BRAF: variants seen among roughly 807,000 people sequenced by gnomAD.
The protein encoded by BRAF is B-Raf proto-oncogene, serine/threonine kinase.
BRAF carries 16 observed loss-of-function variants against 104.6 expected under a neutral mutation model. The ratio of observed to expected loss-of-function variants is 0.15; its 90% CI spans 0.10 to 0.23. BRAF has a LOEUF of 0.23. Ranked by LOEUF, BRAF falls within the 10% of genes least tolerant of loss-of-function variation. The probability of loss-of-function intolerance (pLI) is 1.00; values close to 1 mark genes in which losing one functional copy is unlikely to be tolerated. For missense variants in BRAF, 541 were observed against 937.3 expected, an observed-to-expected ratio of 0.58 and a Z score of 5.52; for synonymous variants, 310 against 341.6, an observed-to-expected ratio of 0.91 and a Z score of 1.02.
chr7:140,791,928 G>A (rs1162557885), intron 8 of BRAF, among the ~76,000 whole-genome samples: 1 of 152,152 alleles, frequency 6.6e-6, no homozygotes, highest in East Asian at 1.9e-4. Context: ...TATCAGCAGT[G>A]TAATCTGGGT....
chr7:140,798,599 C>T (rs1321152614), intron 7 of BRAF, among the ~76,000 whole-genome samples: 1 of 144,012 alleles, frequency 6.9e-6, no homozygotes, highest in African/African-American at 2.6e-5. Flanking sequence ...TGCTTCCAGA[C>T]GCAGCCTAAA....
In BRAF at chr7:140,889,412, C is replaced by T. The variant is rs1302970423; in HGVS notation, c.138+35154G>A. ...TTAGCTTTAAAAAAATTCATGCTAA[C>T]AAGTTCATATTTTTTAAAATATTAC... On this transcript the variant is annotated intron_variant, in intron 1 of 19. Transcript: ENST00000644969. Among the ~76,000 whole-genome samples the T allele has an allele frequency of 2.6e-5, 4 of 152,164 alleles. No homozygotes were observed. The South Asian group carries it at 8.3e-4, about 32-fold the overall frequency.
chr7:140,882,935 A>G (rs1327330659), intron 1 of BRAF, among the ~76,000 whole-genome samples: 1 of 151,964 alleles, frequency 6.6e-6, no homozygotes, highest in Non-Finnish European at 1.5e-5. Flanking sequence ...CGGAGGCTGC[A>G]GTGAGCCAAG....
chr7:140,728,449 G>A (rs1244494357), intron 19 of BRAF, among the ~76,000 whole-genome samples: 1 of 151,624 alleles, frequency 6.6e-6, no homozygotes, highest in Non-Finnish European at 1.5e-5. Flanking sequence ...CTTTTAACAA[G>A]CAATTAACTA....
intron 1 of BRAF, among the ~76,000 whole-genome samples, chr7:140,910,201 T>C (rs535912832): frequency 6.6e-6 from 1 of 152,356 alleles, no homozygotes; most frequent in South Asian, 2.1e-4. Context: ...TACAATTTGC[T>C]CAACTATAAT....
intron 9 of BRAF, among the ~76,000 whole-genome samples, chr7:140,786,718 TGAAG>T (rs1430763207): frequency 6.6e-6 from 1 of 152,202 alleles, no homozygotes; most frequent in Non-Finnish European, 1.5e-5. Context: ...TCCAGAAAGT[TGAAG>T]GAAGTGGTTG....
chr7:140,787,404 C>A (rs2129031308), intron 9 of BRAF, 144 bp downstream of exon 9: 4 of 633,768 alleles, frequency 6.3e-6, no homozygotes, highest in South Asian at 1.9e-5. Flanking sequence ...ATGACAAACA[C>A]TACAGAAAAA....
intron 1 of BRAF, among the ~76,000 whole-genome samples, chr7:140,876,298 C>T (rs1812261410): frequency 6.6e-6 from 1 of 152,120 alleles, no homozygotes; most frequent in Non-Finnish European, 1.5e-5. Flanking sequence ...CTGGAGTGAT[C>T]ACTAAAACTA....
At position 140,889,749 on chromosome 7, in the gene BRAF, C is replaced by CAA. The variant is rs372867853; in HGVS notation, c.138+34815_138+34816dup. ...AATAATCCAAATTCAACCCATCAGT[C>CAA]AAAAGTCAGTGAGGATGCCAAAAGG... On this transcript the variant is annotated intron_variant, in intron 1 of 19. Transcript: ENST00000644969. 4.7e-4 allele frequency among the ~76,000 whole-genome samples: 71 copies of CAA among 152,248 alleles called. 1 individual carries two copies. Among genetic ancestry groups the CAA allele is most frequent in the African/African-American group, 1.3e-3 (53 of 41,542 alleles).
intron 8 of BRAF, 104 bp downstream of exon 8, chr7:140,794,204 T>A (rs1195631832): frequency 5.8e-6 from 8 of 1,376,594 alleles, no homozygotes; most frequent in Non-Finnish European, 8.1e-6. Context: ...ATAACTGTGA[T>A]AAATGAAAAA....
chr7:140,723,503 A>C lies in BRAF; in HGVS notation c.*2991T>G, dbSNP rs1585891129. ...GACAGCTAGACAGAATCTTCTTTTA[A>C]GGTGCACATTAACAACAAATGATCA... On this transcript the variant is annotated 3_prime_UTR_variant, in exon 20 of 20. Coordinates refer to ENST00000644969, the MANE Select transcript of BRAF (RefSeq NM_001374258.1). The C allele has an allele frequency of 1.9e-6, 2 of 1,053,240 alleles. No individual in the cohort carries two copies. The highest frequency in any genetic ancestry group is 1.1e-4 in the East Asian group (2 of 18,582). The allele number at this position is 1,053,240 out of a possible 1,614,324, so 65.2% of individuals were successfully genotyped here.
chr7:140,800,444 T>C lies in BRAF; in HGVS notation c.898A>G (p.Ile300Val), dbSNP rs372239545. ...GCTAAGGACGCCTCTTCCTGTGGTA[T>C]TGGGTGGTGTTCAAAGAACTTGGAG... The part of the protein sequence containing the change: ...FVSKFFEHHP[I>V]PQEEASLAET... The change falls in exon 7 of 20, where the codon ATA becomes GTA. Residue 300 changes from isoleucine to valine, a missense_variant. Physicochemically the swap from Ile to Val is conservative, Grantham distance 29. This residue lies in a region of BRAF where 79 missense variants were observed against 74.6 expected (regional missense o/e 1.06). Transcript: ENST00000644969. The C allele has an allele frequency of 3.1e-6, 5 of 1,613,970 alleles. No individual in the cohort carries two copies. Among genetic ancestry groups the C allele is most frequent in the African/African-American group, 2.7e-5 (2 of 74,892 alleles).
chr7:140,739,541 T>A (rs1249404648), intron 18 of BRAF, among the ~76,000 whole-genome samples: 1 of 151,698 alleles, frequency 6.6e-6, no homozygotes, highest in African/African-American at 2.4e-5. Context: ...TCTTCGATAA[T>A]TTTTAAATGT....
intron 10 of BRAF, 138 bp from the exon 10 acceptor site, chr7:140,783,295 G>A: frequency 1.0e-6 from 1 of 995,574 alleles, no homozygotes; most frequent in Non-Finnish European, 1.4e-6. Context: ...TGGAAAGGAT[G>A]GGCCAAAAAG....
chr7:140,916,716 A>G (rs185155798), intron 1 of BRAF, among the ~76,000 whole-genome samples: 30 of 152,342 alleles, frequency 2.0e-4, no homozygotes, highest in Non-Finnish European at 3.8e-4. Context: ...TCACCACCAC[A>G]TAATTCAAGA....
intron 1 of BRAF, among the ~76,000 whole-genome samples, chr7:140,888,428 CAG>C (rs1813816182): frequency 6.6e-6 from 1 of 152,088 alleles, no homozygotes; most frequent in Non-Finnish European, 1.5e-5. Flanking sequence ...TTCCTACAAA[CAG>C]ATCTCAAACT....
intron 4 of BRAF, chr7:140,808,350 C>T: frequency 4.9e-6 from 1 of 205,716 alleles, no homozygotes; most frequent in South Asian, 4.4e-5. Context: ...TTCCTGGGGT[C>T]CAAAAAAAAA....
At chr7:140,719,279 T>C, downstream of BRAF, 1 of 793,190 alleles carries the variant, frequency 1.3e-6, no homozygotes, top group Non-Finnish European at 1.5e-6. Flanking sequence ...TTAAAACTGC[T>C]GACTACTTTT....
At chr7:140,825,474 G>A (rs534969498) in intron 3 of BRAF, among the ~76,000 whole-genome samples, 1 of 152,240 alleles carries the variant, frequency 6.6e-6, no homozygotes. Flanking sequence ...TCATATTTAA[G>A]AAATCTTTGC....
Sources: allele counts gnomAD v4.1 joint callset (sites outside exome capture counted in the v4.1 genomes callset), GRCh38; gene constraint gnomAD v4.1.1; regional missense constraint gnomAD v4.1.1; transcripts MANE v1.5; gene names NCBI Gene and HGNC (gene_info 2026-07-23, HGNC 2026-07-21).